The following RBFOX1 variants were observed in gnomAD, a reference collection of about 807,000 sequenced individuals.
RBFOX1 encodes the protein RNA binding fox-1 homolog 1, also known as RNA binding protein fox-1 homolog 1.
A neutral mutation model predicts 57.7 loss-of-function variants in RBFOX1; 8 were observed. The observed-to-expected ratio is 0.14, with a 90% CI of 0.08 to 0.25. The LOEUF (loss-of-function observed/expected upper bound fraction) is 0.25, where lower values mean the gene tolerates loss of function less well. RBFOX1 is among the 10% of genes least tolerant of loss of function. The probability of loss-of-function intolerance (pLI) is 1.00; values close to 1 mark genes in which losing one functional copy is unlikely to be tolerated. For synonymous variants in RBFOX1, 326 were observed against 222.4 expected, an observed-to-expected ratio of 1.47 and a Z score of -4.15; for missense variants, 611 against 548.5, an observed-to-expected ratio of 1.11 and a Z score of -1.14.
chr16:7,266,561 C>G (rs1259140307), intron 4 of RBFOX1, among the ~76,000 whole-genome samples: 1 of 152,168 alleles, frequency 6.6e-6, no homozygotes, highest in African/African-American at 2.4e-5. Context: ...TCATCTAAAT[C>G]TAATCACCTC....
At position 7,030,179 on chromosome 16, in the gene RBFOX1, C is replaced by G. The variant is rs181785465; in HGVS notation, c.-15-21878C>G. On this transcript the variant is annotated intron_variant, in intron 3 of 15. Transcript: ENST00000550418. ...ATTGAGCTTTGTTCTGAGATATGTCCTGATGGCATTTTTTCTAAATGGTTG... is the reference window on the plus strand; with the variant it reads ...ATTGAGCTTTGTTCTGAGATATGTCGTGATGGCATTTTTTCTAAATGGTTG... Among the ~76,000 whole-genome samples, 355 of 152,196 alleles carry G rather than the reference C, an allele frequency of 2.3e-3. 4 individuals are homozygous for G. The highest frequency in any genetic ancestry group is 3.9e-3 in the Non-Finnish European group (264 of 67,998).
intron 2 of RBFOX1, among the ~76,000 whole-genome samples, chr16:6,336,511 A>G (rs1262326965): frequency 2.0e-5 from 3 of 152,132 alleles, no homozygotes; most frequent in Non-Finnish European, 2.9e-5. Flanking sequence ...TACAGAGCTG[A>G]TATCTCATGA....
chr16:7,389,728 T>A (rs755660676), intron 4 of RBFOX1, among the ~76,000 whole-genome samples: 31 of 152,286 alleles, frequency 2.0e-4, no homozygotes, highest in South Asian at 2.1e-4. Flanking sequence ...GGCCATGGTA[T>A]TATAATTCAG....
intron 2 of RBFOX1, among the ~76,000 whole-genome samples, chr16:5,575,290 G>A (rs115234091): frequency 0.019 from 2,865 of 152,172 alleles, 100 homozygotes; most frequent in African/African-American, 0.064. Flanking sequence ...CATTATCGTC[G>A]TCATCATCAT....
intron 4 of RBFOX1, among the ~76,000 whole-genome samples, chr16:7,481,463 G>A (rs1025177440): frequency 1.3e-5 from 2 of 152,152 alleles, no homozygotes; most frequent in Admixed American, 6.5e-5. Context: ...TGCCTCTGTA[G>A]TGCAAATTAC....
At chr16:5,240,477 CG>C (rs1297782401) in intron 1 of RBFOX1, among the ~76,000 whole-genome samples, 1 of 152,002 alleles carries the variant, frequency 6.6e-6, no homozygotes, top group Non-Finnish European at 1.5e-5. Context: ...TCCCACCTGG[CG>C]GGGGGCTTAT....
intron 3 of RBFOX1, among the ~76,000 whole-genome samples, chr16:6,786,814 C>T (rs1210830687): frequency 1.3e-5 from 2 of 151,954 alleles, no homozygotes; most frequent in African/African-American, 4.8e-5. Context: ...GGGTCATGGT[C>T]ACAATTGACT....
intron 1 of RBFOX1, among the ~76,000 whole-genome samples, chr16:6,227,659 G>A (rs1009385550): frequency 3.3e-5 from 5 of 152,134 alleles, no homozygotes; most frequent in Admixed American, 3.3e-4. Context: ...CATGAGTCCA[G>A]AAGCCACACT....
At chr16:5,829,144 G>A (rs1262396452) in intron 3 of RBFOX1, among the ~76,000 whole-genome samples, 1 of 152,172 alleles carries the variant, frequency 6.6e-6, no homozygotes, top group Non-Finnish European at 1.5e-5. Flanking sequence ...TGTGTGCCAG[G>A]AGGAAGGGGT....
At chr16:6,229,052 C>T (rs2097438227) in intron 1 of RBFOX1, among the ~76,000 whole-genome samples, 1 of 152,114 alleles carries the variant, frequency 6.6e-6, no homozygotes, top group African/African-American at 2.4e-5. Flanking sequence ...GTGGATGAGA[C>T]ACACAGAATA....
intron 3 of RBFOX1, among the ~76,000 whole-genome samples, chr16:6,951,101 C>G (rs1467838164): frequency 6.6e-6 from 1 of 151,984 alleles, no homozygotes; most frequent in African/African-American, 2.4e-5. Context: ...GAGACAGGGA[C>G]TCCCTATGTT....
At chr16:6,326,159 T>C (rs188712556) in intron 2 of RBFOX1, among the ~76,000 whole-genome samples, 74 of 152,314 alleles carry the variant, frequency 4.9e-4, no homozygotes, top group African/African-American at 1.7e-3. Flanking sequence ...TGCTATGACA[T>C]TGATATGGAA....
At chr16:6,302,159 C>T (rs909811795) in intron 1 of RBFOX1, among the ~76,000 whole-genome samples, 20 of 151,922 alleles carry the variant, frequency 1.3e-4, no homozygotes, top group Admixed American at 1.3e-3. Flanking sequence ...AAGTATTGCC[C>T]AAAACACATT....
chr16:7,501,055 C>A (rs1048605453), intron 4 of RBFOX1, among the ~76,000 whole-genome samples: 1 of 152,180 alleles, frequency 6.6e-6, no homozygotes, highest in African/African-American at 2.4e-5. Context: ...GAGGCCTCTC[C>A]AGCCAGGCTG....
In RBFOX1 at chr16:7,712,507, T is replaced by TCG. The variant is rs2084148157; in HGVS notation, c.*1762_*1763insCG. The TCG allele has an allele frequency of 6.6e-6, 1 of 152,648 alleles. No homozygotes were observed. Among genetic ancestry groups the TCG allele is most frequent in the Non-Finnish European group, 1.5e-5 (1 of 68,054 alleles). The allele number at this position is 152,648 out of a possible 1,614,324, so 9.5% of individuals were successfully genotyped here. On this transcript the variant is annotated 3_prime_UTR_variant, in exon 16 of 16. Coordinates refer to ENST00000550418, the MANE Select transcript of RBFOX1 (RefSeq NM_018723.4). ...GTTTCACAAGATTTGAAAACAAAGTTTCTGTAGCTTCGATACCTAAGACAG... is the reference window on the plus strand; with the variant it reads ...GTTTCACAAGATTTGAAAACAAAGTTCGTCTGTAGCTTCGATACCTAAGACAG...
intron 2 of RBFOX1, among the ~76,000 whole-genome samples, chr16:6,533,351 A>C (rs1372649495): frequency 2.0e-5 from 3 of 152,208 alleles, no homozygotes; most frequent in Admixed American, 2.0e-4. Context: ...AAAATAGACA[A>C]AAGGGATGAA....
intron 3 of RBFOX1, among the ~76,000 whole-genome samples, chr16:6,926,085 C>T (rs941251607): frequency 1.3e-5 from 2 of 151,950 alleles, no homozygotes; most frequent in South Asian, 2.1e-4. Context: ...GTGGGTTGAT[C>T]ACTTGAGGTC....
chr16:7,536,366 G>A (rs529115181), intron 5 of RBFOX1, among the ~76,000 whole-genome samples: 3 of 152,190 alleles, frequency 2.0e-5, no homozygotes, highest in Non-Finnish European at 4.4e-5. Flanking sequence ...GGCCAAGGTG[G>A]GTGGATCTCT....
intron 3 of RBFOX1, among the ~76,000 whole-genome samples, chr16:5,633,663 G>T (rs2048591468): frequency 6.6e-6 from 1 of 151,918 alleles, no homozygotes; most frequent in African/African-American, 2.4e-5. Flanking sequence ...CACCTGAGGT[G>T]GGGAGTTTGA....
Sources: allele counts gnomAD v4.1 joint callset (sites outside exome capture counted in the v4.1 genomes callset), GRCh38; gene constraint gnomAD v4.1.1; transcripts MANE v1.5; gene names NCBI Gene and HGNC (gene_info 2026-07-23, HGNC 2026-07-21).